Variants in MYLIP observed in about 807,000 individuals in gnomAD.
The protein encoded by MYLIP is myosin regulatory light chain interacting protein.
A neutral mutation model predicts 45.8 loss-of-function variants in MYLIP; 26 were observed. The observed-to-expected ratio is 0.57, with a 90% confidence interval of 0.42 to 0.79. MYLIP has a LOEUF of 0.79. MYLIP is among the 30% of genes least tolerant of loss of function. The pLI is 0.00. For synonymous variants in MYLIP, 213 were observed against 218.1 expected, an observed-to-expected ratio of 0.98 and a Z score of 0.21; for missense variants, 494 against 555.6, an observed-to-expected ratio of 0.89 and a Z score of 1.11.
At chr6:16,133,178 T>C (rs1218104164) in intron 2 of MYLIP, among the ~76,000 whole-genome samples, 2 of 152,228 alleles carry the variant, frequency 1.3e-5, no homozygotes, top group Non-Finnish European at 2.9e-5. Context: ...TGCCACCAAC[T>C]ACCAGCCATC....
At chr6:16,137,565 G>T (rs573648367) in intron 2 of MYLIP, among the ~76,000 whole-genome samples, 1 of 152,308 alleles carries the variant, frequency 6.6e-6, no homozygotes, top group East Asian at 1.9e-4. Context: ...TCTTAAAAAT[G>T]GTGTAACTGG....
Position 16,147,064 on chromosome 6 carries a change from C to G in MYLIP, c.*313C>G, listed in dbSNP as rs1024067929. 3 of 210,180 alleles carry G rather than the reference C, an allele frequency of 1.4e-5. No homozygotes were observed. Among genetic ancestry groups the G allele is most frequent in the Non-Finnish European group, 2.9e-5 (3 of 102,208 alleles). The allele number at this position is 210,180 out of a possible 1,614,324, so 13.0% of individuals were successfully genotyped here. A position where few individuals can be genotyped will look rare whatever the true frequency, so the allele number is the denominator to read the frequency against. On this transcript the variant is annotated 3_prime_UTR_variant, in exon 7 of 7. Coordinates refer to ENST00000356840, the MANE Select transcript of MYLIP (RefSeq NM_013262.4). ...GATGTCAGTGAAGTGGCAACATAGC[C>G]AAAAAGTTGGGTACCTTTTAGGAAA...
chr6:16,155,311 T>G, the MYLIP span, among the ~76,000 whole-genome samples: 1 of 152,106 alleles, frequency 6.6e-6, no homozygotes, highest in East Asian at 1.9e-4. Context: ...GAGGAAAGAT[T>G]CTCATTATAC....
chr6:16,162,219 G>A, the MYLIP span, among the ~76,000 whole-genome samples: 1 of 152,208 alleles, frequency 6.6e-6, no homozygotes, highest in Admixed American at 6.5e-5. Flanking sequence ...ATGGGGTGAG[G>A]ATGTGGGAAA....
chr6:16,153,422 A>T, the MYLIP span, among the ~76,000 whole-genome samples: 80 of 152,194 alleles, frequency 5.3e-4, no homozygotes, highest in Admixed American at 7.9e-4. Flanking sequence ...TCCTAGGAGG[A>T]TTTTCCCCAT....
Position 16,146,957 on chromosome 6 carries a change from C to A in MYLIP, c.*206C>A. On this transcript the variant is annotated 3_prime_UTR_variant, in exon 7 of 7. Transcript: ENST00000356840. The stretch of plus-strand genomic sequence containing the variant: ...AGAATCAACAACTCCAGTCATGGGA[C>A]CAGGAGGAGCTCTGGGACGCAGACA... 1 of 457,046 alleles carries A rather than the reference C, an allele frequency of 2.2e-6. No individual in the cohort carries two copies. Among genetic ancestry groups the A allele is most frequent in the South Asian group, 3.4e-5 (1 of 29,706 alleles). 28.3% of individuals were successfully genotyped at this position (457,046 alleles called of 1,614,324 possible).
downstream of MYLIP, among the ~76,000 whole-genome samples, chr6:16,152,082 G>C (rs985897231): frequency 5.3e-5 from 8 of 152,184 alleles, no homozygotes; most frequent in African/African-American, 1.9e-4. Flanking sequence ...GTAAGTACAG[G>C]ATTTGGATTG....
At chr6:16,144,154 C>A (rs1031674150) in intron 5 of MYLIP, among the ~76,000 whole-genome samples, 1 of 151,982 alleles carries the variant, frequency 6.6e-6, no homozygotes, top group Admixed American at 6.6e-5. Context: ...GATTTCTATG[C>A]CTATTTAATC....
downstream of MYLIP, among the ~76,000 whole-genome samples, chr6:16,150,204 A>G (rs1759860370): frequency 6.6e-6 from 1 of 152,222 alleles, no homozygotes; most frequent in South Asian, 2.1e-4. Flanking sequence ...CAGGATAGGG[A>G]TAACGAGGGG....
chr6:16,162,200 A>C, the MYLIP span, among the ~76,000 whole-genome samples: 857 of 152,262 alleles, frequency 5.6e-3, 4 homozygotes, highest in Non-Finnish European at 7.6e-3. Context: ...TCCTCTTTTG[A>C]AGTGGTTTAT....
chr6:16,151,909 G>T (rs542839522), downstream of MYLIP, among the ~76,000 whole-genome samples: 87 of 152,336 alleles, frequency 5.7e-4, no homozygotes, highest in African/African-American at 2.0e-3. Flanking sequence ...GATTCTTCTA[G>T]TTGAGAAGAA....
At chr6:16,155,884 G>A in the MYLIP span, among the ~76,000 whole-genome samples, 1 of 146,066 alleles carries the variant, frequency 6.8e-6, no homozygotes, top group South Asian at 2.1e-4. Flanking sequence ...ACCAGCAAGG[G>A]TAGAAGGTCA....
the MYLIP span, among the ~76,000 whole-genome samples, chr6:16,153,376 G>C: frequency 6.6e-6 from 1 of 152,150 alleles, no homozygotes; most frequent in East Asian, 1.9e-4. Flanking sequence ...CTTTACATCA[G>C]CGTTTCCGTT....
chr6:16,138,568 C>T (rs962165799), intron 2 of MYLIP, among the ~76,000 whole-genome samples: 10 of 152,084 alleles, frequency 6.6e-5, no homozygotes, highest in African/African-American at 2.4e-4. Flanking sequence ...AAACTTGTCA[C>T]CCAAAAGCTA....
At chr6:16,142,965 A>G in intron 3 of MYLIP, 55 bp from the exon 4 acceptor site, 1 of 1,533,446 alleles carries the variant, frequency 6.5e-7, no homozygotes, top group South Asian at 1.2e-5. Flanking sequence ...ACATAGGTTT[A>G]TCTCTAAAGC....
chr6:16,129,344 C>A lies in MYLIP; in HGVS notation c.22C>A (p.Pro8Thr). The A allele has an allele frequency of 6.3e-7, 1 of 1,584,302 alleles. No homozygotes were observed. The highest frequency in any genetic ancestry group is 8.6e-7 in the Non-Finnish European group (1 of 1,165,668). The change falls in exon 1 of 7, where the codon CCG becomes ACG. Residue 8 changes from proline to threonine, a missense_variant. Coordinates refer to ENST00000356840, the MANE Select transcript of MYLIP (RefSeq NM_013262.4). This position sits in a 1 kb window ranked among gnomAD's most constrained non-coding sequence, Gnocchi z 5.1. MLCYVTR[P>T]DAVLMEVEVE... ...AGCCATGCTGTGTTATGTGACGAGG[C>A]CGGACGCGGTGCTGATGGAGGTGGA...
chr6:16,153,494 T>C, the MYLIP span, among the ~76,000 whole-genome samples: 1 of 152,236 alleles, frequency 6.6e-6, no homozygotes, highest in East Asian at 1.9e-4. Flanking sequence ...TTATCTGAGA[T>C]AGGCTTCTTA....
At chr6:16,161,408 A>G in the MYLIP span, 1 of 199,838 alleles carries the variant, frequency 5.0e-6, no homozygotes, top group African/African-American at 2.3e-5. Context: ...ACAACCTCAG[A>G]CCAAGTACTT....
intron 2 of MYLIP, among the ~76,000 whole-genome samples, chr6:16,137,776 A>T (rs576778479): frequency 1.3e-5 from 2 of 152,376 alleles, no homozygotes; most frequent in Admixed American, 1.3e-4. Flanking sequence ...GTAAGAAGGA[A>T]TTAATTTTTA....
Sources: gnomAD v4.1 joint callset for allele counts (sites outside exome capture counted in the v4.1 genomes callset) on GRCh38, gnomAD v4.1.1 for gene constraint, Gnocchi (gnomAD v3.1) non-coding constraint, MANE v1.5 for transcripts, NCBI Gene and HGNC (gene_info 2026-07-23, HGNC 2026-07-21) for gene names.